The following PAX8 variants were observed in gnomAD, a reference collection of about 807,000 sequenced individuals.
The protein encoded by PAX8 is paired box protein Pax-8.
A neutral mutation model predicts 52.4 loss-of-function variants in PAX8; 15 were observed. That is an observed-to-expected ratio of 0.29 (90% CI 0.19 to 0.44). The LOEUF (loss-of-function observed/expected upper bound fraction) is 0.44, where lower values mean the gene tolerates loss of function less well. PAX8 is among the 20% of genes least tolerant of loss of function. The pLI is 1.00. For missense variants in PAX8, 554 were observed against 602.5 expected (o/e 0.92, Z 0.84); for synonymous variants, 284 against 249.7 (o/e 1.14, Z -1.29).
At chr2:113,251,859 C>A (rs1051348927) in intron 2 of PAX8, among the ~76,000 whole-genome samples, 41 of 152,232 alleles carry the variant, frequency 2.7e-4, no homozygotes, top group African/African-American at 9.2e-4. Context: ...ATAGCACTGA[C>A]TGCATTGAAC....
intron 2 of PAX8, among the ~76,000 whole-genome samples, chr2:113,254,616 C>T (rs1257084590): frequency 1.3e-5 from 2 of 152,176 alleles, no homozygotes; most frequent in African/African-American, 4.8e-5. Context: ...CCTTGCAAGG[C>T]ATGGCATCAT....
Position 113,244,521 on chromosome 2 carries a change from T to G in PAX8, c.295A>C (p.Asn99His). The change falls in exon 4 of 12, where the codon AAC (asparagine) becomes CAC (histidine). Residue 99 changes from asparagine (N) to histidine (H), a missense_variant. By Grantham distance (68) the Asn-to-His change is moderately conservative. Transcript: ENST00000429538. ...ATCTCCCAGGCAAACATGGTAGGGTTCTGGCGTTTGTAGTCCCCAATCTTC... is the reference window on the plus strand; with the variant it reads ...ATCTCCCAGGCAAACATGGTAGGGTGCTGGCGTTTGTAGTCCCCAATCTTC... The part of the protein sequence containing the change: ...VEKIGDYKRQ[N>H]PTMFAWEIRD... 6.2e-7 allele frequency: 1 copy of G among 1,614,172 alleles called. No individual in the cohort carries two copies. The highest frequency in any genetic ancestry group is 8.5e-7 in the Non-Finnish European group (1 of 1,179,996).
At chr2:113,235,279 G>A (rs1483630593) in intron 9 of PAX8, 115 bp downstream of exon 9, 5 of 856,650 alleles carry the variant, frequency 5.8e-6, no homozygotes, top group African/African-American at 1.7e-5. Context: ...AGGAATTAGG[G>A]AACAGGGTGG....
chr2:113,272,648 ACTC>A (rs1480549945), intron 2 of PAX8: 1 of 151,784 alleles, frequency 6.6e-6, no homozygotes, highest in Non-Finnish European at 1.5e-5. Flanking sequence ...CATGCTCTGT[ACTC>A]CTTCCCCACG....
intron 9 of PAX8, among the ~76,000 whole-genome samples, chr2:113,232,785 T>G (rs1054781148): frequency 6.6e-6 from 1 of 152,092 alleles, no homozygotes; most frequent in Admixed American, 6.5e-5. Flanking sequence ...ACAGCCTATG[T>G]CTGCACTCTG....
intron 2 of PAX8, chr2:113,272,514 C>A (rs1040177851): frequency 1.3e-5 from 2 of 152,136 alleles, no homozygotes; most frequent in African/African-American, 2.4e-5. Context: ...CGAGTGGATG[C>A]TTCTTCCTAC....
rs1487488562 is a variant in PAX8, at chr2:113,242,891, G to T, written c.390-113C>A. On this transcript the variant is annotated intron_variant, in intron 4 of 11. Transcript: ENST00000429538. ...CCTTTTGGGTATCTCCAAGGCACTT[G>T]AAACTCAACTGTCCACAGTCAAGTC... 1.1e-5 allele frequency: 8 copies of T among 759,196 alleles called. No homozygotes were observed. The East Asian group carries it at 2.1e-4, about 20-fold the overall frequency. The allele number at this position is 759,196 out of a possible 1,614,324, so 47.0% of individuals were successfully genotyped here. A position where few individuals can be genotyped will look rare whatever the true frequency, so the allele number is the denominator to read the frequency against.
rs966144770 is a variant in PAX8, at chr2:113,278,850, C to G, written c.-95G>C. On this transcript the variant is annotated 5_prime_UTR_variant, in exon 1 of 12. Transcript: ENST00000429538. The stretch of plus-strand genomic sequence containing the variant: ...ACATACCTGGCCGGCCGGCTGCAGG[C>G]CCTCACTGCTTGGGTCCGCCCGCGA... 17 of 1,069,304 alleles carry G rather than the reference C, an allele frequency of 1.6e-5. No individual in the cohort carries two copies. The highest frequency in any genetic ancestry group is 1.7e-5 in the Non-Finnish European group (15 of 880,926). 66.2% of individuals were successfully genotyped at this position (1,069,304 alleles called of 1,614,324 possible). A position where few individuals can be genotyped will look rare whatever the true frequency, so the allele number is the denominator to read the frequency against.
chr2:113,254,894 C>T (rs1400595123), intron 2 of PAX8, among the ~76,000 whole-genome samples: 1 of 152,130 alleles, frequency 6.6e-6, no homozygotes, highest in Non-Finnish European at 1.5e-5. Context: ...AAGCTCCCTC[C>T]TACAGAAAGT....
chr2:113,219,416 T>A (rs1439950773), intron 11 of PAX8, among the ~76,000 whole-genome samples: 2 of 152,010 alleles, frequency 1.3e-5, no homozygotes, highest in Non-Finnish European at 2.9e-5. Context: ...AGTCCCCCCA[T>A]TGGTGGGGTT....
intron 2 of PAX8, chr2:113,273,245 G>A (rs895473324): frequency 7.9e-5 from 12 of 152,274 alleles, no homozygotes; most frequent in African/African-American, 2.9e-4. Flanking sequence ...TCCTGCCTGA[G>A]CCGGAGAGGA....
intron 2 of PAX8, among the ~76,000 whole-genome samples, chr2:113,256,048 T>A (rs998202232): frequency 2.0e-5 from 3 of 151,852 alleles, no homozygotes; most frequent in Non-Finnish European, 4.4e-5. Context: ...CTCAGTACTG[T>A]GTTCAAGGCC....
chr2:113,216,535 G>T lies in PAX8; in HGVS notation c.*1998C>A. On this transcript the variant is annotated 3_prime_UTR_variant, in exon 12 of 12. Coordinates refer to ENST00000429538, the MANE Select transcript of PAX8 (RefSeq NM_003466.4). ...TGTCCCACATGGAGAAGGTCCATGT[G>T]GACACCAGACAGCCCCCTGGAGTGC... 4.3e-6 allele frequency: 1 copy of T among 230,134 alleles called. No individual in the cohort carries two copies. The allele number at this position is 230,134 out of a possible 1,614,324, so 14.3% of individuals were successfully genotyped here.
In PAX8 at chr2:113,255,242, G is replaced by GGGAGGAGGGAGGGAGGAGGGAGGGA; in HGVS notation, c.26-8324_26-8323insTCCCTCCCTCCTCCCTCCCTCCTCC. 4 of 12,170 alleles carry GGGAGGAGGGAGGGAGGAGGGAGGGA rather than the reference G, an allele frequency of 3.3e-4. 1 individual carries two copies. Among genetic ancestry groups the GGGAGGAGGGAGGGAGGAGGGAGGGA allele is most frequent in the African/African-American group, 1.3e-3 (4 of 3,050 alleles). The allele number at this position is 12,170 out of a possible 1,614,324, so 0.8% of individuals were successfully genotyped here. The stretch of plus-strand genomic sequence containing the variant: ...AGGGGAGGAGGGAGGGGAGGAGGGA[G>GGGAGGAGGGAGGGAGGAGGGAGGGA]GGGAGGAGGGAGGGAGGAGGGAGGG... On this transcript the variant is annotated intron_variant, in intron 2 of 11. Transcript: ENST00000429538.
At chr2:113,254,619 G>C (rs1185610456) in intron 2 of PAX8, among the ~76,000 whole-genome samples, 1 of 152,154 alleles carries the variant, frequency 6.6e-6, no homozygotes, top group East Asian at 1.9e-4. Context: ...TGCAAGGCAT[G>C]GCATCATTTT....
chr2:113,218,190 C>G lies in PAX8; in HGVS notation c.*343G>C, dbSNP rs182231841. The G allele has an allele frequency of 3.5e-6, 1 of 283,026 alleles. No homozygotes were observed. Among genetic ancestry groups the G allele is most frequent in the Non-Finnish European group, 6.6e-6 (1 of 151,672 alleles). The allele number at this position is 283,026 out of a possible 1,614,324, so 17.5% of individuals were successfully genotyped here. ...CCCTTGGGCCCGGGCAGGAACCATT[C>G]GCCATCCCCCCAAGTTCCTCGGCTA... On this transcript the variant is annotated 3_prime_UTR_variant, in exon 12 of 12. Coordinates refer to ENST00000429538, the MANE Select transcript of PAX8 (RefSeq NM_003466.4).
chr2:113,238,756 CTACTT>C (rs1690570873), intron 7 of PAX8: 1 of 152,138 alleles, frequency 6.6e-6, no homozygotes, highest in African/African-American at 2.4e-5. Flanking sequence ...ATCATAGACT[CTACTT>C]TATGAGGCTG....
intron 10 of PAX8, chr2:113,226,682 T>A (rs752775595): frequency 3.6e-6 from 4 of 1,105,566 alleles, no homozygotes; most frequent in Non-Finnish European, 3.3e-6. Flanking sequence ...ATCATCATCA[T>A]CATCATCATC....
In PAX8 at chr2:113,241,934, G is replaced by A. The variant is rs1182093205; in HGVS notation, c.601+74C>T. On this transcript the variant is annotated intron_variant, in intron 6 of 11. Coordinates refer to ENST00000429538, the MANE Select transcript of PAX8 (RefSeq NM_003466.4). ...CAAAGTCCCATATCATAAGTGGAAG[G>A]GTTTCTGTCCCCATCAAAGCCTGAG... is the stretch of plus-strand genomic sequence containing the variant. The A allele has an allele frequency of 6.4e-6, 10 of 1,564,070 alleles. No individual in the cohort carries two copies. The African/African-American group carries it at 1.4e-4, about 21-fold the overall frequency.
Sources: allele counts gnomAD v4.1 joint callset (sites outside exome capture counted in the v4.1 genomes callset), GRCh38; gene constraint gnomAD v4.1.1; transcripts MANE v1.5; gene names NCBI Gene and HGNC (gene_info 2026-07-23, HGNC 2026-07-21).